GIGYF2: variants seen among roughly 807,000 people sequenced by gnomAD.
The protein encoded by GIGYF2 is GRB10-interacting GYF protein 2.
GIGYF2 carries 25 observed loss-of-function variants against 208.1 expected under a neutral mutation model. The observed-to-expected ratio is 0.12, with a 90% CI of 0.09 to 0.17. The LOEUF is 0.17. Among genes scored for constraint, GIGYF2 ranks in the 10% least tolerant of loss-of-function variants. The pLI is 1.00. For synonymous variants in GIGYF2, 534 were observed against 543.8 expected (o/e 0.98, Z 0.25); for missense variants, 1,302 against 1,579.4 (o/e 0.82, Z 2.98).
chr2:232,813,075 T>C (rs551107929), intron 18 of GIGYF2, among the ~76,000 whole-genome samples: 2 of 152,234 alleles, frequency 1.3e-5, no homozygotes, highest in East Asian at 3.9e-4. Flanking sequence ...AAAAACCTGC[T>C]ATGAATTGAG....
At chr2:232,777,114 CT>C (rs61071359) in intron 8 of GIGYF2, among the ~76,000 whole-genome samples, 38 of 146,088 alleles carry the variant, frequency 2.6e-4, no homozygotes, top group African/African-American at 3.8e-4. Context: ...AGGAAACAAA[CT>C]TTTTTTTTTT....
At position 232,747,746 on chromosome 2, in the gene GIGYF2, T is replaced by C. The variant is rs772540290; in HGVS notation, c.171+2T>C. The C allele has an allele frequency of 1.9e-6, 3 of 1,613,070 alleles. No homozygotes were observed. Among genetic ancestry groups the C allele is most frequent in the Non-Finnish European group, 2.5e-6 (3 of 1,179,498 alleles). ...GCACTTTTCCTTAAAGACAACAAGG[T>C]AAGAAAGTAGGAAAAGAGTTCAAAA... On this transcript the variant is annotated splice_donor_variant, in intron 4 of 28. Coordinates refer to ENST00000373563, the MANE Select transcript of GIGYF2 (RefSeq NM_001103146.3). LOFTEE classifies it high-confidence loss of function.
At chr2:232,853,677 A>AAG (rs1690444551) in intron 28 of GIGYF2, among the ~76,000 whole-genome samples, 1 of 152,196 alleles carries the variant, frequency 6.6e-6, no homozygotes, top group South Asian at 2.1e-4. Flanking sequence ...CTTTCCTTGT[A>AAG]AGAACAACCT....
chr2:232,803,682 T>TCCTTCACCAG (rs1417159519), intron 14 of GIGYF2, among the ~76,000 whole-genome samples: 3 of 94,370 alleles, frequency 3.2e-5, no homozygotes, highest in Non-Finnish European at 6.3e-5. Flanking sequence ...TTCTTTTTTT[T>TCCTTCACCAG]TTTTTTTTTT....
chr2:232,784,736 CTACAA>C (rs1044638931), intron 8 of GIGYF2, among the ~76,000 whole-genome samples: 10 of 152,196 alleles, frequency 6.6e-5, no homozygotes, highest in African/African-American at 2.4e-4. Context: ...TACATAATAA[CTACAA>C]TAGATTTAGA....
intron 14 of GIGYF2, among the ~76,000 whole-genome samples, chr2:232,801,449 C>T (rs922734729): frequency 2.6e-5 from 4 of 152,062 alleles, no homozygotes; most frequent in African/African-American, 9.7e-5. Context: ...TGCTAGAGCC[C>T]AGGAAGTTGA....
intron 21 of GIGYF2, among the ~76,000 whole-genome samples, chr2:232,823,543 T>C (rs953347234): frequency 2.6e-5 from 4 of 151,884 alleles, no homozygotes; most frequent in East Asian, 1.9e-4. Context: ...TGTAGAGATA[T>C]GGGGTCTTGC....
chr2:232,746,117 G>A (rs1698140065), intron 3 of GIGYF2, among the ~76,000 whole-genome samples: 1 of 151,446 alleles, frequency 6.6e-6, no homozygotes, highest in South Asian at 2.1e-4. Context: ...AATTACACGG[G>A]AGTTTGTCAT....
chr2:232,774,673 T>C (rs957663745), intron 8 of GIGYF2, among the ~76,000 whole-genome samples: 1 of 152,214 alleles, frequency 6.6e-6, no homozygotes, highest in Non-Finnish European at 1.5e-5. Flanking sequence ...CTGTTGTTGC[T>C]TCCTGCCTAT....
intron 23 of GIGYF2, among the ~76,000 whole-genome samples, chr2:232,841,980 G>A (rs1701829510): frequency 6.6e-6 from 1 of 151,904 alleles, no homozygotes; most frequent in African/African-American, 2.4e-5. Context: ...CTACAGGTGT[G>A]TGCCACCATG....
intron 18 of GIGYF2, among the ~76,000 whole-genome samples, chr2:232,813,002 G>GA (rs796832468): frequency 0.047 from 6,015 of 126,712 alleles, 388 homozygotes; most frequent in African/African-American, 0.16. Flanking sequence ...CTCTAAGAAA[G>GA]AAAAAAAAAA....
intron 8 of GIGYF2, among the ~76,000 whole-genome samples, chr2:232,763,655 ACT>A (rs141719373): frequency 0.023 from 3,503 of 151,606 alleles, 147 homozygotes; most frequent in African/African-American, 0.081. Flanking sequence ...TGAAACCCTG[ACT>A]CTACTAAAAA....
At chr2:232,847,670 G>A (rs1702066250) in intron 27 of GIGYF2, 99 bp downstream of exon 27, 1 of 1,496,334 alleles carries the variant, frequency 6.7e-7, no homozygotes, top group South Asian at 1.1e-5. Context: ...TACCATTTTT[G>A]TATATCCAAT....
At chr2:232,712,454 C>T (rs997513309) in intron 2 of GIGYF2, among the ~76,000 whole-genome samples, 1 of 152,114 alleles carries the variant, frequency 6.6e-6, no homozygotes, top group Non-Finnish European at 1.5e-5. Flanking sequence ...AGTGGCTTTT[C>T]CCCCCTCTCT....
At chr2:232,831,060 A>AG (rs1357992241) in intron 21 of GIGYF2, among the ~76,000 whole-genome samples, 5 of 152,212 alleles carry the variant, frequency 3.3e-5, no homozygotes, top group African/African-American at 1.2e-4. Context: ...CACAGAGGCA[A>AG]GGTGGCATTT....
intron 21 of GIGYF2, 92 bp downstream of exon 21, chr2:232,820,077 A>T: frequency 6.9e-7 from 1 of 1,444,048 alleles, no homozygotes; most frequent in Middle Eastern, 1.8e-4. Context: ...CCTATCTAAA[A>T]TTTTTTCAGG....
At chr2:232,856,429 C>CG in intron 28 of GIGYF2, among the ~76,000 whole-genome samples, 1 of 152,098 alleles carries the variant, frequency 6.6e-6, no homozygotes, top group Non-Finnish European at 1.5e-5. Context: ...TTGGCTGACG[C>CG]CTGTAATCCC....
intron 2 of GIGYF2, among the ~76,000 whole-genome samples, chr2:232,714,576 T>G (rs1190597701): frequency 6.6e-6 from 1 of 152,198 alleles, no homozygotes; most frequent in African/African-American, 2.4e-5. Context: ...ACTCATTAAG[T>G]GTACATTTTG....
chr2:232,822,368 A>AT (rs113109837), intron 21 of GIGYF2, among the ~76,000 whole-genome samples: 3,418 of 152,082 alleles, frequency 0.022, 136 homozygotes, highest in African/African-American at 0.077. Context: ...TTTTGCTATT[A>AT]TGAGTGGAAT....
Sources: allele counts gnomAD v4.1 joint callset (sites outside exome capture counted in the v4.1 genomes callset), GRCh38; gene constraint gnomAD v4.1.1; transcripts MANE v1.5; gene names NCBI Gene and HGNC (gene_info 2026-07-23, HGNC 2026-07-21).